Variants in GPC6 observed in about 807,000 individuals in gnomAD.
GPC6 encodes the protein glypican 6, also known as glypican-6.
Under a neutral mutation model 55.2 loss-of-function variants are expected in GPC6, and 14 were observed. The ratio of observed to expected loss-of-function variants is 0.25; its 90% CI spans 0.17 to 0.40. The LOEUF is 0.40. Among genes scored for constraint, GPC6 ranks in the 10% least tolerant of loss-of-function variants. GPC6 has a pLI of 1.00. For synonymous variants in GPC6, 278 were observed against 259.6 expected (o/e 1.07, Z -0.68); for missense variants, 641 against 708.5 (o/e 0.90, Z 1.08).
chr13:93,930,274 G>GTTTTTTTTTTTTTTTT (rs1878094284), intron 3 of GPC6, among the ~76,000 whole-genome samples: 6 of 43,332 alleles, frequency 1.4e-4, no homozygotes, highest in Admixed American at 1.1e-3. Context: ...GGAAACGAAA[G>GTTTTTTTTTTTTTTTT]GTTTTTTTTT....
At chr13:93,498,860 C>T (rs1296404232) in intron 1 of GPC6, among the ~76,000 whole-genome samples, 1 of 152,042 alleles carries the variant, frequency 6.6e-6, no homozygotes, top group Non-Finnish European at 1.5e-5. Context: ...GACTTTTTCT[C>T]AAAATCCTAG....
At position 94,132,425 on chromosome 13, in the gene GPC6, C is replaced by G. The variant is rs920666351; in HGVS notation, c.877+104531C>G. ...TCTTGAAAATCCTCGTTATTGGGAC[C>G]CTTCTGACCCCTGACCACAGCCTTG... On this transcript the variant is annotated intron_variant, in intron 4 of 8. Transcript: ENST00000377047. Among the ~76,000 whole-genome samples the G allele has an allele frequency of 2.2e-4, 34 of 152,174 alleles. No individual in the cohort carries two copies. The South Asian group carries it at 2.5e-3, about 11-fold the overall frequency.
intron 3 of GPC6, among the ~76,000 whole-genome samples, chr13:93,951,012 CAT>C (rs1306245495): frequency 2.0e-5 from 3 of 152,016 alleles, no homozygotes; most frequent in Admixed American, 2.0e-4. Context: ...TTGGAAAGGT[CAT>C]GTTGTTTTTT....
intron 1 of GPC6, among the ~76,000 whole-genome samples, chr13:93,361,254 C>T (rs770097177): frequency 7.9e-5 from 12 of 152,048 alleles, no homozygotes; most frequent in South Asian, 2.1e-4. Flanking sequence ...ATGAGTTTCC[C>T]GCTCAAACAG....
chr13:94,197,849 A>G (rs1177153173), intron 4 of GPC6, among the ~76,000 whole-genome samples: 1 of 152,000 alleles, frequency 6.6e-6, no homozygotes, highest in Admixed American at 6.6e-5. Context: ...CAATTTTACC[A>G]AGAAACGTAA....
intron 4 of GPC6, among the ~76,000 whole-genome samples, chr13:94,272,118 A>T (rs1892047009): frequency 1.3e-5 from 2 of 152,144 alleles, no homozygotes; most frequent in African/African-American, 4.8e-5. Context: ...CAGTATGCAC[A>T]GAAGTAGGAA....
intron 2 of GPC6, among the ~76,000 whole-genome samples, chr13:93,762,739 G>A (rs571976861): frequency 6.6e-6 from 1 of 152,274 alleles, no homozygotes; most frequent in African/African-American, 2.4e-5. Context: ...CTATACTATT[G>A]TTCTAAGTCA....
At chr13:94,100,291 G>C (rs1202219649) in intron 4 of GPC6, among the ~76,000 whole-genome samples, 1 of 151,982 alleles carries the variant, frequency 6.6e-6, no homozygotes, top group Non-Finnish European at 1.5e-5. Context: ...GGGTAGCAAA[G>C]GAAAAAATCA....
chr13:93,290,073 G>A (rs1878267514), intron 1 of GPC6, among the ~76,000 whole-genome samples: 2 of 152,080 alleles, frequency 1.3e-5, no homozygotes, highest in South Asian at 4.1e-4. Flanking sequence ...TTTGGTCTGG[G>A]CTCTAAATGA....
chr13:94,150,214 T>C (rs149705475), intron 4 of GPC6, among the ~76,000 whole-genome samples: 161 of 152,248 alleles, frequency 1.1e-3, no homozygotes, highest in African/African-American at 3.6e-3. Flanking sequence ...TCAATCATGT[T>C]TCCTTAGCAT....
At chr13:93,926,648 A>C (rs933357116) in intron 3 of GPC6, among the ~76,000 whole-genome samples, 4 of 152,214 alleles carry the variant, frequency 2.6e-5, no homozygotes, top group Non-Finnish European at 1.5e-5. Flanking sequence ...TATTGGCAAG[A>C]GATCAGCTTT....
At chr13:93,572,706 G>C (rs1412357685) in intron 2 of GPC6, among the ~76,000 whole-genome samples, 2 of 152,138 alleles carry the variant, frequency 1.3e-5, no homozygotes, top group Non-Finnish European at 2.9e-5. Flanking sequence ...AGTTGAATAA[G>C]CAGTCTTTTG....
intron 1 of GPC6, among the ~76,000 whole-genome samples, chr13:93,258,026 A>G (rs941068987): frequency 6.6e-6 from 1 of 152,204 alleles, no homozygotes; most frequent in Non-Finnish European, 1.5e-5. Context: ...CATTTTAGTC[A>G]TTATGGGTAA....
intron 6 of GPC6, among the ~76,000 whole-genome samples, chr13:94,366,084 G>A (rs1431966976): frequency 6.6e-6 from 1 of 152,124 alleles, no homozygotes; most frequent in Admixed American, 6.6e-5. Flanking sequence ...GTAGCTATGA[G>A]CTTAACTGAA....
At position 93,289,723 on chromosome 13, in the gene GPC6, G is replaced by A. The variant is rs891745383; in HGVS notation, c.160+62107G>A. Among the ~76,000 whole-genome samples, 8 of 152,030 alleles carry A rather than the reference G, an allele frequency of 5.3e-5. No individual in the cohort carries two copies. The East Asian group carries it at 1.5e-3, about 29-fold the overall frequency. On this transcript the variant is annotated intron_variant, in intron 1 of 8. Transcript: ENST00000377047. ...TCAGGCACATTTTATTTTATTTTGA[G>A]CCGTTTGAGATGTATGTGAATTCCA...
At chr13:93,782,064 C>T (rs1361606016) in intron 2 of GPC6, among the ~76,000 whole-genome samples, 1 of 152,038 alleles carries the variant, frequency 6.6e-6, no homozygotes, top group East Asian at 1.9e-4. Context: ...AAATTTTCTA[C>T]CCTTTGATCA....
chr13:93,718,388 G>A (rs1206975423), intron 2 of GPC6, among the ~76,000 whole-genome samples: 2 of 151,746 alleles, frequency 1.3e-5, no homozygotes, highest in African/African-American at 4.8e-5. Flanking sequence ...ATGTTTGTTG[G>A]GTGCCTAAAT....
rs536607002 is a variant in GPC6 at position 93,303,092 on chromosome 13, T to C, written c.160+75476T>C. On this transcript the variant is annotated intron_variant, in intron 1 of 8. Transcript: ENST00000377047. ...AACTGTATAACCATAGACTGTTAAA[T>C]AAGTTCTTTGTATGACTTCCACATT... is the stretch of plus-strand genomic sequence containing the variant. Among the ~76,000 whole-genome samples the C allele has an allele frequency of 1.2e-3, 179 of 152,332 alleles. 4 individuals are homozygous for C. The highest frequency in any genetic ancestry group is 2.3e-3 in the Admixed American group (35 of 15,304).
chr13:93,348,472 G>C lies in GPC6; in HGVS notation c.160+120856G>C, dbSNP rs1467725165. Among the ~76,000 whole-genome samples, 9 of 152,190 alleles carry C rather than the reference G, an allele frequency of 5.9e-5. No homozygotes were observed. The East Asian group carries it at 1.5e-3, about 26-fold the overall frequency. On this transcript the variant is annotated intron_variant, in intron 1 of 8. Transcript: ENST00000377047. ...GCCCTCTTACTTGCATTATTTATTT[G>C]TATGTAAAGATTTTGTTCGCAGATG...
Sources: allele counts gnomAD v4.1 joint callset (sites outside exome capture counted in the v4.1 genomes callset), GRCh38; gene constraint gnomAD v4.1.1; transcripts MANE v1.5; gene names NCBI Gene and HGNC (gene_info 2026-07-23, HGNC 2026-07-21).